The following RAD51B variants were observed in gnomAD, a reference collection of about 807,000 sequenced individuals.
RAD51B encodes RAD51 paralog B, also known as DNA repair protein RAD51 homolog 2.
RAD51B carries 38 observed loss-of-function variants against 42.2 expected under a neutral mutation model. That is an observed-to-expected ratio of 0.90 (90% CI 0.70 to 1.18). The LOEUF (loss-of-function observed/expected upper bound fraction) is 1.18. RAD51B is among the 50% of genes most tolerant of loss of function. The pLI, the probability that RAD51B is intolerant of heterozygous loss-of-function variation, is 0.00. For synonymous variants in RAD51B, 154 were observed against 145.2 expected (o/e 1.06, Z -0.43); for missense variants, 373 against 400.7 (o/e 0.93, Z 0.59).
intron 7 of RAD51B, among the ~76,000 whole-genome samples, chr14:68,111,820 C>G (rs556636559): frequency 2.0e-5 from 3 of 152,064 alleles, no homozygotes; most frequent in Admixed American, 6.6e-5. Context: ...CAGATGGTCA[C>G]CTGCGGTGAT....
In RAD51B at chr14:68,546,824, G is replaced by A. The variant is rs188041721; in HGVS notation, c.1037-47661G>A. Among the ~76,000 whole-genome samples the A allele has an allele frequency of 1.1e-3, 171 of 152,246 alleles. 2 individuals carry two copies. Among genetic ancestry groups the A allele is most frequent in the Admixed American group, 3.2e-3 (49 of 15,288 alleles). ...ACAGGGCAGAGGTCAGTGGGAATGG[G>A]AGCTGTTATCTTGGGCGACCAACTC... On this transcript the variant is annotated intron_variant, in intron 10 of 10. Transcript: ENST00000487270.
intron 9 of RAD51B, among the ~76,000 whole-genome samples, chr14:68,428,499 G>A (rs781084702): frequency 1.3e-5 from 2 of 151,470 alleles, no homozygotes; most frequent in Non-Finnish European, 2.9e-5. Context: ...TAACTGAAAC[G>A]GTGTATCCAT....
chr14:68,332,407 A>G (rs569849389), intron 8 of RAD51B, among the ~76,000 whole-genome samples: 3 of 152,358 alleles, frequency 2.0e-5, no homozygotes, highest in Admixed American at 2.0e-4. Flanking sequence ...ATTCATTTTA[A>G]TAGTTGAGGC....
At chr14:67,961,522 A>G (rs2074666916) in intron 7 of RAD51B, among the ~76,000 whole-genome samples, 1 of 152,174 alleles carries the variant, frequency 6.6e-6, no homozygotes, top group Non-Finnish European at 1.5e-5. Context: ...CACCATACAC[A>G]TAGCTTGAGG....
chr14:68,622,596 C>G (rs1279232984), intron 10 of RAD51B, among the ~76,000 whole-genome samples: 2 of 151,912 alleles, frequency 1.3e-5, no homozygotes, highest in Non-Finnish European at 1.5e-5. Flanking sequence ...AGGGCTGGCA[C>G]ATGGTAGATA....
intron 10 of RAD51B, among the ~76,000 whole-genome samples, chr14:68,493,139 C>T (rs1317297723): frequency 6.6e-6 from 1 of 152,054 alleles, no homozygotes; most frequent in Non-Finnish European, 1.5e-5. Context: ...TGGAGGGGTC[C>T]CCTGCTACCT....
intron 10 of RAD51B, among the ~76,000 whole-genome samples, chr14:68,622,787 G>A (rs926063590): frequency 3.3e-5 from 5 of 151,000 alleles, no homozygotes; most frequent in African/African-American, 4.9e-5. Flanking sequence ...TGTTATGGAC[G>A]TGCTATGTGC....
chr14:68,453,776 C>T (rs1268375855), intron 9 of RAD51B, among the ~76,000 whole-genome samples: 1 of 152,100 alleles, frequency 6.6e-6, no homozygotes, highest in African/African-American at 2.4e-5. Flanking sequence ...ACAGTGGATC[C>T]CACCGTTTAC....
chr14:68,545,629 G>A, intron 10 of RAD51B: 1 of 456,100 alleles, frequency 2.2e-6, no homozygotes, highest in Non-Finnish European at 4.4e-6. Flanking sequence ...GTAGAGGTAA[G>A]AACGGGGACA....
chr14:67,954,111 C>G (rs1405400611), intron 7 of RAD51B, among the ~76,000 whole-genome samples: 1 of 152,134 alleles, frequency 6.6e-6, no homozygotes, highest in Admixed American at 6.6e-5. Context: ...GCAGACTCTT[C>G]TGTACTCCAT....
chr14:68,133,225 G>A (rs2077935609), intron 7 of RAD51B, among the ~76,000 whole-genome samples: 1 of 152,116 alleles, frequency 6.6e-6, no homozygotes, highest in Admixed American at 6.5e-5. Context: ...CTGTTTTTCA[G>A]GTAAGGCAGG....
chr14:68,239,601 G>A (rs1235035842), intron 7 of RAD51B, among the ~76,000 whole-genome samples: 1 of 148,508 alleles, frequency 6.7e-6, no homozygotes, highest in Non-Finnish European at 1.5e-5. Flanking sequence ...CTCTTCTTTT[G>A]TTCACTGTTC....
intron 7 of RAD51B, among the ~76,000 whole-genome samples, chr14:68,099,960 T>C (rs1277297225): frequency 6.6e-6 from 1 of 152,118 alleles, no homozygotes; most frequent in East Asian, 1.9e-4. Context: ...TTGAGGAGAA[T>C]CAAAGATAAA....
rs576658572 is a variant in RAD51B, at chr14:68,351,666, C to T, written c.853+59686C>T. Among the ~76,000 whole-genome samples the T allele has an allele frequency of 3.3e-5, 5 of 152,208 alleles. No homozygotes were observed. In the South Asian group the frequency reaches 8.3e-4, roughly 25 times the overall value. ...AGAGGAGGCATTGATTAGAGGAGAG[C>T]GCTCTATGGAGAGGAGTCAGCGTGG... is the stretch of plus-strand genomic sequence containing the variant. On this transcript the variant is annotated intron_variant, in intron 8 of 10. Transcript: ENST00000471583.
At chr14:68,222,543 G>A (rs1407143885) in intron 7 of RAD51B, among the ~76,000 whole-genome samples, 3 of 152,230 alleles carry the variant, frequency 2.0e-5, no homozygotes, top group Admixed American at 1.3e-4. Context: ...TTGGGGTGGC[G>A]AGAGATAAAA....
chr14:67,942,843 C>T (rs1240028447), intron 7 of RAD51B, among the ~76,000 whole-genome samples: 1 of 152,098 alleles, frequency 6.6e-6, no homozygotes, highest in East Asian at 1.9e-4. Context: ...GTCTGAATTT[C>T]TTTTTAAATG....
At chr14:68,197,920 G>T (rs7146261) in intron 7 of RAD51B, among the ~76,000 whole-genome samples, 4,344 of 152,042 alleles carry the variant, frequency 0.029, 235 homozygotes, top group African/African-American at 0.1. Context: ...CTATGTCCTC[G>T]CAGTCCGTGG....
intron 7 of RAD51B, among the ~76,000 whole-genome samples, chr14:67,992,103 T>G (rs1014578886): frequency 3.3e-5 from 5 of 152,238 alleles, no homozygotes; most frequent in South Asian, 4.1e-4. Context: ...GTAGTCCCGC[T>G]TTATTCTATG....
intron 7 of RAD51B, among the ~76,000 whole-genome samples, chr14:68,078,427 G>A (rs972737089): frequency 1.3e-4 from 20 of 152,094 alleles, no homozygotes; most frequent in African/African-American, 4.8e-4. Flanking sequence ...CCAGCTGAGT[G>A]ACTTATGAAC....
Sources: allele counts gnomAD v4.1 joint callset (sites outside exome capture counted in the v4.1 genomes callset), GRCh38; gene constraint gnomAD v4.1.1; transcripts MANE v1.5; gene names NCBI Gene and HGNC (gene_info 2026-07-23, HGNC 2026-07-21).